The following SUSD3 variants were observed in gnomAD, a reference collection of about 807,000 sequenced individuals.
SUSD3 encodes sushi domain containing 3.
In SUSD3, 18 loss-of-function variants were observed where a neutral mutation model predicts 20.6. The ratio of observed to expected loss-of-function variants is 0.87; its 90% confidence interval spans 0.60 to 1.30. The LOEUF (loss-of-function observed/expected upper bound fraction) is 1.30. Ranked by LOEUF, SUSD3 falls within the 50% of genes most tolerant of loss-of-function variation. SUSD3 has a pLI of 0.00. For missense variants in SUSD3, 306 were observed against 346.9 expected (o/e 0.88, Z 0.94); for synonymous variants, 137 against 141.5 (o/e 0.97, Z 0.23).
At chr9:93,071,833 A>C (rs558681249) in intron 1 of SUSD3, among the ~76,000 whole-genome samples, 1 of 152,302 alleles carries the variant, frequency 6.6e-6, no homozygotes, top group African/African-American at 2.4e-5. Context: ...GAGAAGGGAT[A>C]CTAGAGGCAA....
At chr9:93,080,441 A>G (rs1021919154) in intron 4 of SUSD3, among the ~76,000 whole-genome samples, 2 of 151,862 alleles carry the variant, frequency 1.3e-5, no homozygotes, top group Admixed American at 6.6e-5. Context: ...TGGGCTCCTT[A>G]AACTGGTATG....
intron 2 of SUSD3, 81 bp downstream of exon 2, chr9:93,076,053 G>T (rs1826147476): frequency 7.9e-7 from 1 of 1,269,366 alleles, no homozygotes; most frequent in Non-Finnish European, 1.1e-6. Context: ...TGTGGGTGGG[G>T]ATGGCGTGGG....
chr9:93,058,920 A>G (rs1359043576), intron 1 of SUSD3, 90 bp downstream of exon 1: 1 of 751,088 alleles, frequency 1.3e-6, no homozygotes, highest in Non-Finnish European at 1.8e-6. Flanking sequence ...GGGGCCGCAC[A>G]GCCGTGGGTG....
chr9:93,079,411 C>T lies in SUSD3; in HGVS notation c.426-60C>T, dbSNP rs540259460. 8.3e-5 allele frequency: 131 copies of T among 1,583,810 alleles called. No individual in the cohort carries two copies. In the African/African-American group the frequency reaches 1.6e-3, roughly 20 times the overall value. On this transcript the variant is annotated intron_variant, in intron 3 of 4. Coordinates refer to ENST00000375472, the MANE Select transcript of SUSD3 (RefSeq NM_145006.4). ...CCCTGGGCCTACATGGAGCCTGTTTCCACCACCGTCAGGGATACACCTGCA... is the reference window on the plus strand; with the variant it reads ...CCCTGGGCCTACATGGAGCCTGTTTTCACCACCGTCAGGGATACACCTGCA...
chr9:93,080,762 C>T (rs1826382356), intron 4 of SUSD3, among the ~76,000 whole-genome samples: 1 of 152,254 alleles, frequency 6.6e-6, no homozygotes, highest in Non-Finnish European at 1.5e-5. Flanking sequence ...AAGGCTGATC[C>T]TGCCAGATCC....
chr9:93,084,005 G>C (rs1826533090), intron 4 of SUSD3, among the ~76,000 whole-genome samples: 1 of 152,168 alleles, frequency 6.6e-6, no homozygotes, highest in Non-Finnish European at 1.5e-5. Context: ...GACAGGGCCA[G>C]GGTCTGGTCA....
At chr9:93,074,616 CTTTTTTTTTTTTTT>C (rs989411910) in intron 1 of SUSD3, among the ~76,000 whole-genome samples, 1 of 96,368 alleles carries the variant, frequency 1.0e-5, no homozygotes, top group Admixed American at 1.1e-4. Context: ...GCAGCAGATT[CTTTTTTTTTTTTTT>C]TTTTTTTTGA....
chr9:93,068,701 A>G (rs1201741962), intron 1 of SUSD3, among the ~76,000 whole-genome samples: 1 of 152,248 alleles, frequency 6.6e-6, no homozygotes, highest in Admixed American at 6.5e-5. Context: ...ATTTCTGGAA[A>G]GAAAGCAGCT....
intron 1 of SUSD3, among the ~76,000 whole-genome samples, chr9:93,068,243 T>C (rs539124910): frequency 2.0e-5 from 3 of 152,358 alleles, no homozygotes; most frequent in African/African-American, 7.2e-5. Flanking sequence ...TTTTGGTGTT[T>C]GTCTTTGGTG....
At chr9:93,064,585 C>T (rs924281350) in intron 1 of SUSD3, among the ~76,000 whole-genome samples, 1 of 152,222 alleles carries the variant, frequency 6.6e-6, no homozygotes, top group African/African-American at 2.4e-5. Flanking sequence ...AAGACAAGAC[C>T]TTGGTCGACC....
intron 1 of SUSD3, among the ~76,000 whole-genome samples, chr9:93,066,134 G>C (rs574613970): frequency 6.6e-6 from 1 of 152,128 alleles, no homozygotes; most frequent in Non-Finnish European, 1.5e-5. Context: ...TCTGTGTACC[G>C]CCCCTAGAAA....
intron 3 of SUSD3, 139 bp downstream of exon 3, chr9:93,078,132 G>C: frequency 8.3e-7 from 1 of 1,205,220 alleles, no homozygotes; most frequent in South Asian, 1.4e-5. Context: ...CTCTGGGCCT[G>C]CGTCTCCCCC....
At chr9:93,069,672 C>T (rs1202418380) in intron 1 of SUSD3, among the ~76,000 whole-genome samples, 3 of 152,152 alleles carry the variant, frequency 2.0e-5, no homozygotes, top group Non-Finnish European at 4.4e-5. Context: ...TATTCTACAA[C>T]CTTGCTGAAC....
chr9:93,077,887 A>T lies in SUSD3; in HGVS notation c.319A>T (p.Ile107Phe), dbSNP rs749075280. 10 of 1,614,024 alleles carry T rather than the reference A, an allele frequency of 6.2e-6. No individual in the cohort carries two copies. Among genetic ancestry groups the T allele is most frequent in the African/African-American group, 2.7e-5 (2 of 74,914 alleles). ...HETFGFKVAV[I>F]ASIVSCAIIL... Reference sequence around the variant, plus strand: ...GACCTTTGGCTTCAAGGTGGCCGTGATCGCCTCCATTGTGAGCTGTGCCAT... The same window carrying T: ...GACCTTTGGCTTCAAGGTGGCCGTGTTCGCCTCCATTGTGAGCTGTGCCAT... The change falls in exon 3 of 5, where the codon ATC becomes TTC. Residue 107 changes from isoleucine (I) to phenylalanine (F), a missense_variant. Transcript: ENST00000375472.
intron 2 of SUSD3, 138 bp downstream of exon 2, chr9:93,076,110 A>G: frequency 1.4e-6 from 1 of 700,080 alleles, no homozygotes; most frequent in Non-Finnish European, 2.3e-6. Flanking sequence ...CCCATTCCCA[A>G]CACTGACAGC....
chr9:93,083,676 G>C (rs1009907987), intron 4 of SUSD3, among the ~76,000 whole-genome samples: 1 of 152,212 alleles, frequency 6.6e-6, no homozygotes, highest in Non-Finnish European at 1.5e-5. Flanking sequence ...GAGTCAGTCT[G>C]GCTCCTGCCT....
At position 93,076,177 on chromosome 9, in the gene SUSD3, C is replaced by T. The variant is rs912622730; in HGVS notation, c.277+205C>T. 2.6e-4 allele frequency among the ~76,000 whole-genome samples: 39 copies of T among 152,212 alleles called. 1 individual carries two copies. The highest frequency in any genetic ancestry group is 5.9e-5 in the Non-Finnish European group (4 of 68,040). On this transcript the variant is annotated intron_variant, in intron 2 of 4. Transcript: ENST00000375472. ...CTCAGCCCTCCCAGTGCCATGTTGG[C>T]AGCACGGACCGAAAACCTAGTAGCG... is the stretch of plus-strand genomic sequence containing the variant.
At chr9:93,076,666 T>C (rs1246068083) in intron 2 of SUSD3, among the ~76,000 whole-genome samples, 2 of 152,258 alleles carry the variant, frequency 1.3e-5, no homozygotes, top group African/African-American at 4.8e-5. Flanking sequence ...AATGTTCACG[T>C]GCTAGGTGAT....
chr9:93,082,664 C>T (rs547051606), intron 4 of SUSD3, among the ~76,000 whole-genome samples: 1 of 152,272 alleles, frequency 6.6e-6, no homozygotes, highest in African/African-American at 2.4e-5. Context: ...TGGCTAATGC[C>T]TTTCCTTTTG....
Sources: allele counts gnomAD v4.1 joint callset (sites outside exome capture counted in the v4.1 genomes callset), GRCh38; gene constraint gnomAD v4.1.1; transcripts MANE v1.5; gene names NCBI Gene and HGNC (gene_info 2026-07-23, HGNC 2026-07-21).